The following XKR6 variants were observed in gnomAD, a reference collection of about 807,000 sequenced individuals.
XKR6 encodes the protein XK-related protein 6.
Under a neutral mutation model 56.7 loss-of-function variants are expected in XKR6, and 22 were observed. The ratio of observed to expected loss-of-function variants is 0.39; its 90% CI spans 0.28 to 0.55. The LOEUF (loss-of-function observed/expected upper bound fraction) is 0.55, where lower values mean the gene tolerates loss of function less well. Ranked by LOEUF, XKR6 falls within the 20% of genes least tolerant of loss-of-function variation. The pLI is 0.66. For synonymous variants in XKR6, 524 were observed against 387.8 expected, an observed-to-expected ratio of 1.35 and a Z score of -4.13; for missense variants, 852 against 889.0, an observed-to-expected ratio of 0.96 and a Z score of 0.53.
chr8:10,946,702 C>T (rs1801555191), intron 1 of XKR6, among the ~76,000 whole-genome samples: 1 of 152,102 alleles, frequency 6.6e-6, no homozygotes, highest in Non-Finnish European at 1.5e-5. Flanking sequence ...TACTGCATGC[C>T]AGGCACTGGG....
At chr8:11,150,313 T>C (rs530324266) in intron 1 of XKR6, among the ~76,000 whole-genome samples, 5 of 152,366 alleles carry the variant, frequency 3.3e-5, no homozygotes, top group East Asian at 1.9e-4. Context: ...TTATACATTC[T>C]ATCCATGTAA....
At chr8:11,169,902 T>C (rs530984670) in intron 1 of XKR6, among the ~76,000 whole-genome samples, 1 of 152,266 alleles carries the variant, frequency 6.6e-6, no homozygotes, top group Non-Finnish European at 1.5e-5. Flanking sequence ...TTCGTATATT[T>C]TACAATAAAT....
At chr8:11,196,532 T>A (rs1803901679) in intron 1 of XKR6, among the ~76,000 whole-genome samples, 2 of 152,214 alleles carry the variant, frequency 1.3e-5, no homozygotes, top group Non-Finnish European at 2.9e-5. Flanking sequence ...CACTCATGCT[T>A]CCAAGGTAAA....
chr8:10,937,801 C>A (rs1801257724), intron 1 of XKR6, among the ~76,000 whole-genome samples: 2 of 151,752 alleles, frequency 1.3e-5, no homozygotes, highest in Admixed American at 6.5e-5. Context: ...CTGCTCTCTT[C>A]AAAGCTGTCA....
chr8:11,016,989 AGACT>A (rs1798640059), intron 1 of XKR6, among the ~76,000 whole-genome samples: 1 of 152,376 alleles, frequency 6.6e-6, no homozygotes. Flanking sequence ...TAGATTAGAT[AGACT>A]GATAAGATGA....
chr8:10,959,808 C>T (rs1412142154), intron 1 of XKR6, among the ~76,000 whole-genome samples: 5 of 152,192 alleles, frequency 3.3e-5, no homozygotes, highest in South Asian at 2.1e-4. Context: ...CACCACCTTG[C>T]GCCCTTTCCT....
intron 1 of XKR6, among the ~76,000 whole-genome samples, chr8:11,178,512 A>G (rs1314193836): frequency 6.8e-6 from 1 of 148,000 alleles, no homozygotes; most frequent in Non-Finnish European, 1.5e-5. Flanking sequence ...ATAAAACCAC[A>G]CCAAATTTTT....
At chr8:10,953,430 C>A (rs150064868) in intron 1 of XKR6, among the ~76,000 whole-genome samples, 369 of 152,250 alleles carry the variant, frequency 2.4e-3, no homozygotes, top group African/African-American at 8.5e-3. Flanking sequence ...TGAGGCCTCC[C>A]TAGAAGCAAA....
intron 2 of XKR6, among the ~76,000 whole-genome samples, chr8:10,921,143 G>C (rs1800697057): frequency 1.3e-5 from 2 of 152,240 alleles, no homozygotes. Flanking sequence ...AGGACATTTA[G>C]GAAGCAACAT....
At chr8:10,988,732 G>C (rs182611219) in intron 1 of XKR6, among the ~76,000 whole-genome samples, 3 of 152,226 alleles carry the variant, frequency 2.0e-5, no homozygotes, top group Non-Finnish European at 4.4e-5. Context: ...GGGCACCAAA[G>C]GAAGAAAAGA....
rs1563215719 is a variant in XKR6 at position 11,200,111 on chromosome 8, C to A, written c.764+465G>T. 6.6e-6 allele frequency among the ~76,000 whole-genome samples: 1 copy of A among 152,176 alleles called. No homozygotes were observed. Among genetic ancestry groups the A allele is most frequent in the Non-Finnish European group, 1.5e-5 (1 of 68,032 alleles). On this transcript the variant is annotated intron_variant, in intron 1 of 2. Coordinates refer to ENST00000416569, the MANE Select transcript of XKR6 (RefSeq NM_173683.4). The surrounding 1 kb of genome is among the most constrained non-coding windows in gnomAD (Gnocchi z 6.4). The stretch of plus-strand genomic sequence containing the variant: ...GCAGCAAGGGTTTTTCCACAGGGCC[C>A]CACGCAGGCCACTGCAGAGGGAGAA...
At chr8:11,154,775 T>C (rs755718504) in intron 1 of XKR6, among the ~76,000 whole-genome samples, 3 of 152,168 alleles carry the variant, frequency 2.0e-5, no homozygotes, top group Non-Finnish European at 2.9e-5. Context: ...ATAAACAGGG[T>C]CTACCCTTCA....
chr8:11,144,904 G>GGAA (rs1459933246), intron 1 of XKR6, among the ~76,000 whole-genome samples: 33 of 149,918 alleles, frequency 2.2e-4, no homozygotes. Context: ...AAGGAGAAGG[G>GGAA]GAAGGGGAAG....
chr8:11,062,609 A>G, intron 1 of XKR6: 1 of 376,426 alleles, frequency 2.7e-6, no homozygotes, highest in Non-Finnish European at 5.2e-6. Context: ...TCTAGTTAAA[A>G]CAATTTATCT....
chr8:11,092,655 G>A (rs1238500094), intron 1 of XKR6, among the ~76,000 whole-genome samples: 3 of 152,228 alleles, frequency 2.0e-5, no homozygotes, highest in Non-Finnish European at 4.4e-5. Flanking sequence ...TGCAAGAAAG[G>A]CTGAGTAAAG....
chr8:10,950,888 C>A (rs2129126909), intron 1 of XKR6, among the ~76,000 whole-genome samples: 1 of 152,322 alleles, frequency 6.6e-6, no homozygotes, highest in South Asian at 2.1e-4. Context: ...TGCACAGGTA[C>A]TGTCACTACA....
chr8:10,928,734 C>T (rs1037625427), intron 1 of XKR6, among the ~76,000 whole-genome samples: 7 of 152,162 alleles, frequency 4.6e-5, no homozygotes, highest in Admixed American at 3.9e-4. Context: ...GAGGGGGGAA[C>T]CAAGGCAGGA....
intron 1 of XKR6, among the ~76,000 whole-genome samples, chr8:10,962,467 G>C (rs1002019377): frequency 3.9e-5 from 6 of 152,174 alleles, no homozygotes. Flanking sequence ...GCCTAGGGAG[G>C]ATTTCCGCCA....
At chr8:11,055,577 C>T (rs1372657860) in intron 1 of XKR6, among the ~76,000 whole-genome samples, 3 of 152,222 alleles carry the variant, frequency 2.0e-5, no homozygotes, top group Non-Finnish European at 2.9e-5. Context: ...ACAGCAGCCC[C>T]TCTGGGAAGT....
Sources: allele counts gnomAD v4.1 joint callset (sites outside exome capture counted in the v4.1 genomes callset), GRCh38; gene constraint gnomAD v4.1.1; non-coding constraint Gnocchi (gnomAD v3.1); transcripts MANE v1.5; gene names NCBI Gene and HGNC (gene_info 2026-07-23, HGNC 2026-07-21).